Variants in YAF2 observed in about 807,000 individuals in gnomAD.
The protein encoded by YAF2 is YY1-associated factor 2.
In YAF2, 7 loss-of-function variants were observed where a neutral mutation model predicts 20.1. That is an observed-to-expected ratio of 0.35 (90% CI 0.20 to 0.65). YAF2 has a LOEUF of 0.65. Among genes scored for constraint, YAF2 ranks in the 30% least tolerant of loss-of-function variants. The probability of loss-of-function intolerance (pLI) is 0.69; values close to 1 mark genes in which losing one functional copy is unlikely to be tolerated. For missense variants in YAF2, 151 were observed against 219.2 expected (o/e 0.69, Z 1.96); for synonymous variants, 74 against 76.0 (o/e 0.97, Z 0.14).
At chr12:42,217,197 A>AATTGAACAT (rs1213413092) in intron 2 of YAF2, among the ~76,000 whole-genome samples, 2 of 152,232 alleles carry the variant, frequency 1.3e-5, no homozygotes, top group Non-Finnish European at 2.9e-5. Context: ...AACTGCTAAT[A>AATTGAACAT]ATTGAACATG....
At chr12:42,197,116 CA>C (rs1312872899) in intron 2 of YAF2, among the ~76,000 whole-genome samples, 1 of 152,182 alleles carries the variant, frequency 6.6e-6, no homozygotes, top group Non-Finnish European at 1.5e-5. Flanking sequence ...ACAGATAGAA[CA>C]AACTAGAGCG....
chr12:42,237,519 G>A, intron 2 of YAF2, 80 bp downstream of exon 2: 1 of 1,401,416 alleles, frequency 7.1e-7, no homozygotes, highest in Non-Finnish European at 9.3e-7. Flanking sequence ...CAGTGTCATG[G>A]GAGGGGGCGG....
chr12:42,237,773 C>CGCGCCCG, intron 1 of YAF2, 49 bp from the exon 2 acceptor site: 1 of 1,322,332 alleles, frequency 7.6e-7, no homozygotes, highest in Non-Finnish European at 9.7e-7. Flanking sequence ...ACCAGCAGGC[C>CGCGCCCG]GCGCCCGGTG....
chr12:42,198,319 A>C (rs2066807706), intron 2 of YAF2, among the ~76,000 whole-genome samples: 1 of 152,228 alleles, frequency 6.6e-6, no homozygotes, highest in African/African-American at 2.4e-5. Context: ...ACAGTGGCTC[A>C]TGCCTATAAT....
intron 2 of YAF2, among the ~76,000 whole-genome samples, chr12:42,165,278 T>C (rs565671437): frequency 1.3e-4 from 20 of 152,240 alleles, no homozygotes; most frequent in Admixed American, 5.2e-4. Context: ...CTTCTGTCCA[T>C]GTTTAAATGG....
intron 2 of YAF2, chr12:42,210,869 G>C (rs540919640): frequency 2.3e-6 from 1 of 425,854 alleles, no homozygotes; most frequent in East Asian, 4.0e-5. Context: ...CATTAGAATG[G>C]TTTCATTTTA....
intron 2 of YAF2, chr12:42,231,428 T>C (rs1209780237): frequency 2.6e-5 from 4 of 152,194 alleles, no homozygotes; most frequent in South Asian, 2.1e-4. Flanking sequence ...CTCACAGATA[T>C]ACAGTTGAAA....
At chr12:42,213,278 G>T (rs1044945432) in intron 2 of YAF2, among the ~76,000 whole-genome samples, 12 of 152,238 alleles carry the variant, frequency 7.9e-5, no homozygotes, top group Non-Finnish European at 1.5e-5. Flanking sequence ...TTGGAAGCAG[G>T]TGTTCTAAGG....
intron 2 of YAF2, among the ~76,000 whole-genome samples, chr12:42,193,314 C>T (rs951789152): frequency 1.1e-4 from 16 of 146,094 alleles, no homozygotes; most frequent in African/African-American, 4.2e-4. Flanking sequence ...ATGAGACTCC[C>T]TCTCAAAAAA....
intron 2 of YAF2, among the ~76,000 whole-genome samples, chr12:42,207,870 G>A (rs535494863): frequency 3.3e-5 from 5 of 152,178 alleles, no homozygotes; most frequent in South Asian, 2.1e-4. Context: ...CAGCCTGGGC[G>A]ACAGAGCGAG....
intron 2 of YAF2, among the ~76,000 whole-genome samples, chr12:42,227,716 C>T (rs548334235): frequency 5.4e-5 from 8 of 149,252 alleles, no homozygotes; most frequent in African/African-American, 1.7e-4. Context: ...GGAGCGTCTC[C>T]GCCCGGCAGC....
intron 2 of YAF2, among the ~76,000 whole-genome samples, chr12:42,173,246 G>A (rs2066097668): frequency 6.6e-6 from 1 of 152,076 alleles, no homozygotes; most frequent in African/African-American, 2.4e-5. Context: ...CACAAACGGG[G>A]CTCCACGGTC....
chr12:42,210,800 C>T, intron 2 of YAF2: 1 of 855,072 alleles, frequency 1.2e-6, no homozygotes, highest in Non-Finnish European at 1.7e-6. Context: ...AATATGGAAA[C>T]AATTTGCTAA....
intron 2 of YAF2, among the ~76,000 whole-genome samples, chr12:42,191,509 C>A (rs559239174): frequency 1.3e-5 from 2 of 152,238 alleles, no homozygotes; most frequent in African/African-American, 4.8e-5. Flanking sequence ...TAATGTAAAT[C>A]TTGCTTAATA....
chr12:42,224,497 A>T (rs1232861214), intron 2 of YAF2, among the ~76,000 whole-genome samples: 1 of 152,108 alleles, frequency 6.6e-6, no homozygotes, highest in Non-Finnish European at 1.5e-5. Flanking sequence ...CATCTACATT[A>T]GGCAATTCTT....
rs957357492 is a variant in YAF2 at position 42,233,098 on chromosome 12, T to G, written c.152+4501A>C. The G allele has an allele frequency of 1.3e-5, 13 of 985,430 alleles. No homozygotes were observed. In the African/African-American group the frequency reaches 2.3e-4, roughly 17 times the overall value. The allele number at this position is 985,430 out of a possible 1,614,324, so 61.0% of individuals were successfully genotyped here. On this transcript the variant is annotated intron_variant, in intron 2 of 3. Coordinates refer to ENST00000534854, the MANE Select transcript of YAF2 (RefSeq NM_005748.6). ...AGATGCTCAATAAACATTTGCTGAATGCTGAATATTGAAATGGTTGATATG... is the reference window on the plus strand; with the variant it reads ...AGATGCTCAATAAACATTTGCTGAAGGCTGAATATTGAAATGGTTGATATG...
In YAF2 at chr12:42,158,197, A is replaced by C. The variant is rs936857132; in HGVS notation, c.*2392T>G. 3 of 152,196 alleles carry C rather than the reference A, an allele frequency of 2.0e-5. No homozygotes were observed. The highest frequency in any genetic ancestry group is 2.9e-5 in the Non-Finnish European group (2 of 68,044). 9.4% of individuals were successfully genotyped at this position (152,196 alleles called of 1,614,324 possible). A position where few individuals can be genotyped will look rare whatever the true frequency, so the allele number is the denominator to read the frequency against. On this transcript the variant is annotated 3_prime_UTR_variant, in exon 4 of 4. Transcript: ENST00000534854. ...TGAGATACCTGTGATTAATAAAAGT[A>C]AAATAATTTCAAGTCAACTTAATTC...
intron 2 of YAF2, among the ~76,000 whole-genome samples, chr12:42,180,606 T>C (rs571530077): frequency 7.9e-5 from 12 of 152,310 alleles, no homozygotes; most frequent in Middle Eastern, 3.4e-3. Flanking sequence ...TCCGGGTAAT[T>C]TGTTATGCAG....
At chr12:42,197,447 C>T (rs2066782953) in intron 2 of YAF2, among the ~76,000 whole-genome samples, 1 of 152,178 alleles carries the variant, frequency 6.6e-6, no homozygotes, top group South Asian at 2.1e-4. Context: ...AACTTTATTG[C>T]TAATTCCATA....
Sources: gnomAD v4.1 joint callset for allele counts (sites outside exome capture counted in the v4.1 genomes callset) on GRCh38, gnomAD v4.1.1 for gene constraint, MANE v1.5 for transcripts, NCBI Gene and HGNC (gene_info 2026-07-23, HGNC 2026-07-21) for gene names.